ME1: variants seen among roughly 807,000 people sequenced by gnomAD.
ME1 encodes the protein NADP-dependent malic enzyme.
ME1 carries 74 observed loss-of-function variants against 66.4 expected under a neutral mutation model. That is an observed-to-expected ratio of 1.11 (90% CI 0.92 to 1.35). ME1 has a LOEUF of 1.35. ME1 is among the 40% of genes most tolerant of loss of function. The pLI, the probability that ME1 is intolerant of heterozygous loss-of-function variation, is 0.00. For synonymous variants in ME1, 251 were observed against 235.6 expected (o/e 1.07, Z -0.60); for missense variants, 750 against 694.1 (o/e 1.08, Z -0.90).
intron 6 of ME1, among the ~76,000 whole-genome samples, chr6:83,254,921 T>C (rs1766732387): frequency 6.6e-6 from 1 of 152,172 alleles, no homozygotes; most frequent in Non-Finnish European, 1.5e-5. Flanking sequence ...TGTTAAACCT[T>C]GCACTAATTT....
At chr6:83,308,473 T>C (rs1395000353) in intron 6 of ME1, among the ~76,000 whole-genome samples, 1 of 140,792 alleles carries the variant, frequency 7.1e-6, no homozygotes, top group Non-Finnish European at 1.6e-5. Flanking sequence ...GGCAACTGAT[T>C]CTGTAAAAAA....
rs186656186 is a variant in ME1, at chr6:83,375,049, T to A, written c.363-22910A>T. Among the ~76,000 whole-genome samples the A allele has an allele frequency of 2.4e-4, 36 of 152,298 alleles. No homozygotes were observed. The East Asian group carries it at 6.7e-3, about 29-fold the overall frequency. ...TAGCATGAGGCCTCTGGCTTCATTC[T>A]TTTTGCTTGGGATTGCCTTGGCTAT... is the stretch of plus-strand genomic sequence containing the variant. On this transcript the variant is annotated intron_variant, in intron 3 of 13. Transcript: ENST00000369705.
intron 6 of ME1, among the ~76,000 whole-genome samples, chr6:83,281,843 AAAC>A (rs1767299190): frequency 7.1e-6 from 1 of 141,506 alleles, no homozygotes; most frequent in African/African-American, 2.6e-5. Flanking sequence ...AAAGAAAAGA[AAAC>A]AAAAAAGAGA....
At chr6:83,405,368 C>G (rs772084167) in intron 2 of ME1, among the ~76,000 whole-genome samples, 1 of 152,188 alleles carries the variant, frequency 6.6e-6, no homozygotes, top group Non-Finnish European at 1.5e-5. Context: ...TATCCTGAGA[C>G]TTTGCTGAAG....
chr6:83,325,948 C>CAA lies in ME1; in HGVS notation c.601-10537_601-10536dup, dbSNP rs199839173. On this transcript the variant is annotated intron_variant, in intron 5 of 13. Coordinates refer to ENST00000369705, the MANE Select transcript of ME1 (RefSeq NM_002395.6). ...AAAAAACACAAAAAAACGAAGCAAA[C>CAA]AAAAAAAAAAAAAAACAAAGCTGGA... 6.1e-3 allele frequency among the ~76,000 whole-genome samples: 737 copies of CAA among 120,776 alleles called. 5 individuals carry two copies. The highest frequency in any genetic ancestry group is 0.018 in the African/African-American group (556 of 31,704). 79.2% of individuals were successfully genotyped at this position (120,776 alleles called of 152,430 possible). A position where few individuals can be genotyped will look rare whatever the true frequency, so the allele number is the denominator to read the frequency against.
rs180670800 is a variant in ME1, at chr6:83,347,822, C to T, written c.439-1488G>A. On this transcript the variant is annotated intron_variant, in intron 4 of 13. Coordinates refer to ENST00000369705, the MANE Select transcript of ME1 (RefSeq NM_002395.6). ...GTAAAGAGAAATCTAAAGTATATTC[C>T]ATCTATTCCTCTTATTTTATAAATT... Among the ~76,000 whole-genome samples, 1,146 of 152,036 alleles carry T rather than the reference C, an allele frequency of 7.5e-3. 12 individuals carry two copies. The highest frequency in any genetic ancestry group is 0.026 in the African/African-American group (1,070 of 41,502).
intron 7 of ME1, among the ~76,000 whole-genome samples, chr6:83,250,696 A>G (rs1407422058): frequency 6.6e-6 from 1 of 152,226 alleles, no homozygotes; most frequent in South Asian, 2.1e-4. Flanking sequence ...AATGTGCTCC[A>G]ATTCAATCCT....
chr6:83,324,860 A>G (rs917529327), intron 5 of ME1, among the ~76,000 whole-genome samples: 2 of 152,120 alleles, frequency 1.3e-5, no homozygotes, highest in African/African-American at 4.8e-5. Flanking sequence ...TCTCTAACTC[A>G]TTTTATCACA....
intron 3 of ME1, among the ~76,000 whole-genome samples, chr6:83,382,455 C>T (rs556080257): frequency 2.6e-4 from 40 of 152,088 alleles, no homozygotes; most frequent in African/African-American, 8.9e-4. Flanking sequence ...TATTATCTGA[C>T]AATTTCTAAA....
chr6:83,223,830 C>T lies in ME1; in HGVS notation c.1379G>A (p.Gly460Glu). The change falls in exon 12 of 14, where the codon GGA becomes GAA. Residue 460 changes from glycine to glutamate, a missense_variant. Gly to Glu is a moderately conservative substitution (Grantham distance 98). Transcript: ENST00000369705. ...ACACGCCACAACACCAAGAGCAACTCCAGGGAACACATAGGAATTGTTGCC... is the reference window on the plus strand; with the variant it reads ...ACACGCCACAACACCAAGAGCAACTTCAGGGAACACATAGGAATTGTTGCC... ...GQGNNSYVFP[G>E]VALGVVACGL... The T allele has an allele frequency of 6.2e-7, 1 of 1,613,952 alleles. No individual in the cohort carries two copies.
intron 6 of ME1, among the ~76,000 whole-genome samples, chr6:83,301,314 TTCTCTCTC>T (rs560570045): frequency 1.8e-4 from 25 of 141,422 alleles, no homozygotes; most frequent in African/African-American, 5.0e-4. Context: ...CTTTCTTTCT[TTCTCTCTC>T]TCTCTCTCTC....
intron 7 of ME1, among the ~76,000 whole-genome samples, chr6:83,252,956 C>A (rs1303616854): frequency 1.3e-5 from 2 of 152,122 alleles, no homozygotes; most frequent in East Asian, 1.9e-4. Flanking sequence ...GAAAAACATT[C>A]ATTGGAATTA....
At position 83,398,362 on chromosome 6, in the gene ME1, C is replaced by CA; in HGVS notation, c.362+4dup. The CA allele has an allele frequency of 6.4e-7, 1 of 1,562,266 alleles. No individual in the cohort carries two copies. Among genetic ancestry groups the CA allele is most frequent in the Non-Finnish European group, 8.6e-7 (1 of 1,160,652 alleles). On this transcript the variant is annotated splice_donor_region_variant and intron_variant, in intron 3 of 13. Transcript: ENST00000369705. ...AAGTTGCATATAAAATAAAAGTTGACATACCTTGGCTTCCGAAACACCAAA... is the reference window on the plus strand; with the variant it reads ...AAGTTGCATATAAAATAAAAGTTGACAATACCTTGGCTTCCGAAACACCAAA...
At chr6:83,387,255 AC>A (rs1024383735) in intron 3 of ME1, among the ~76,000 whole-genome samples, 1 of 152,190 alleles carries the variant, frequency 6.6e-6, no homozygotes, top group African/African-American at 2.4e-5. Context: ...TAAAGCAAGA[AC>A]AATATGAAAG....
chr6:83,258,074 A>G (rs1026504290), intron 6 of ME1, among the ~76,000 whole-genome samples: 2 of 152,168 alleles, frequency 1.3e-5, no homozygotes, highest in African/African-American at 2.4e-5. Context: ...TGAAATCCCT[A>G]CAATATGGTT....
intron 3 of ME1, among the ~76,000 whole-genome samples, chr6:83,388,765 C>T (rs371092793): frequency 2.0e-5 from 3 of 152,234 alleles, no homozygotes; most frequent in South Asian, 4.2e-4. Context: ...AAAAGACTAT[C>T]ACCAGCAAAC....
Position 83,255,573 on chromosome 6 carries a change from A to G in ME1, c.705-1835T>C, listed in dbSNP as rs528825565. ...AATAGTTAACCTCTAAATCTGGTAT[A>G]CTTTTACTGTTAGGCCATAGATTAA... On this transcript the variant is annotated intron_variant, in intron 6 of 13. Transcript: ENST00000369705. Among the ~76,000 whole-genome samples the G allele has an allele frequency of 5.3e-5, 8 of 152,174 alleles. No homozygotes were observed. In the South Asian group the frequency reaches 1.0e-3, roughly 20 times the overall value.
chr6:83,378,463 T>G (rs1769335576), intron 3 of ME1, among the ~76,000 whole-genome samples: 1 of 151,202 alleles, frequency 6.6e-6, no homozygotes, highest in Non-Finnish European at 1.5e-5. Context: ...CTACTTGGTA[T>G]TTTTTTCTCA....
In ME1 at chr6:83,414,971, AT is replaced by A. The variant is rs572732806; in HGVS notation, c.79-7071del. 5.1e-4 allele frequency among the ~76,000 whole-genome samples: 78 copies of A among 152,346 alleles called. 1 individual carries two copies. Among genetic ancestry groups the A allele is most frequent in the African/African-American group, 1.8e-3 (73 of 41,586 alleles). On this transcript the variant is annotated intron_variant, in intron 1 of 13. Coordinates refer to ENST00000369705, the MANE Select transcript of ME1 (RefSeq NM_002395.6). ...CTGAAACTAGCAATGGACACAAATG[AT>A]GAAAAATCAAAATTTAAGATCTTCA... is the stretch of plus-strand genomic sequence containing the variant.
Sources: gnomAD v4.1 joint callset for allele counts (sites outside exome capture counted in the v4.1 genomes callset) on GRCh38, gnomAD v4.1.1 for gene constraint, MANE v1.5 for transcripts, NCBI Gene and HGNC (gene_info 2026-07-23, HGNC 2026-07-21) for gene names.